TBC1D30: variants seen among roughly 807,000 people sequenced by gnomAD.
The protein encoded by TBC1D30 is TBC1 domain family member 30.
Under a neutral mutation model 63.2 loss-of-function variants are expected in TBC1D30, and 31 were observed. The ratio of observed to expected loss-of-function variants is 0.49; its 90% confidence interval spans 0.37 to 0.66. The LOEUF (loss-of-function observed/expected upper bound fraction) is 0.66. TBC1D30 is among the 30% of genes least tolerant of loss of function. TBC1D30 has a pLI of 0.00. For missense variants in TBC1D30, 810 were observed against 953.6 expected (o/e 0.85, Z 1.98); for synonymous variants, 307 against 361.5 (o/e 0.85, Z 1.71).
At position 64,877,206 on chromosome 12, in the gene TBC1D30, AC is replaced by A. The variant is rs1879149671; in HGVS notation, c.*1419del. On this transcript the variant is annotated 3_prime_UTR_variant, in exon 12 of 12. Coordinates refer to ENST00000539867, the MANE Select transcript of TBC1D30 (RefSeq NM_015279.2). ...CTTCATGCACCTGTTATTTGGCTGA[AC>A]AGAAGGCTCACTCCTCAATCCCCTT... 4.7e-6 allele frequency: 1 copy of A among 213,042 alleles called. No individual in the cohort carries two copies. 13.2% of individuals were successfully genotyped at this position (213,042 alleles called of 1,614,324 possible). A position where few individuals can be genotyped will look rare whatever the true frequency, so the allele number is the denominator to read the frequency against.
intron 1 of TBC1D30, among the ~76,000 whole-genome samples, chr12:64,827,232 T>G (rs1020427253): frequency 3.0e-4 from 45 of 152,158 alleles, no homozygotes; most frequent in African/African-American, 1.1e-3. Context: ...GGTGGATCAC[T>G]TCAGATCAGG....
At chr12:64,769,237 A>T (rs1446659658) in intron 1 of TBC1D30, among the ~76,000 whole-genome samples, 7 of 151,126 alleles carry the variant, frequency 4.6e-5, no homozygotes, top group Non-Finnish European at 1.0e-4. Context: ...TCAGAGTCTC[A>T]CTCTGTTGCC....
chr12:64,857,769 A>T (rs1334438673), intron 8 of TBC1D30, among the ~76,000 whole-genome samples: 1 of 152,242 alleles, frequency 6.6e-6, no homozygotes, highest in Non-Finnish European at 1.5e-5. Flanking sequence ...CTCGAGTTCC[A>T]ACAGCTAGAT....
intron 2 of TBC1D30, among the ~76,000 whole-genome samples, chr12:64,789,221 C>T (rs1169194665): frequency 1.0e-4 from 14 of 139,044 alleles, no homozygotes; most frequent in African/African-American, 2.6e-4. Context: ...CTCACTCTGT[C>T]GCCCAGGCCC....
chr12:64,806,263 T>C (rs962599534), intron 2 of TBC1D30, among the ~76,000 whole-genome samples: 4 of 152,186 alleles, frequency 2.6e-5, no homozygotes, highest in Non-Finnish European at 5.9e-5. Context: ...ATATCCAAAG[T>C]GTGTGTCAGT....
At chr12:64,864,863 C>A (rs1165441189) in intron 9 of TBC1D30, 83 bp downstream of exon 9, 1 of 974,562 alleles carries the variant, frequency 1.0e-6, no homozygotes, top group Non-Finnish European at 1.5e-6. Context: ...ATTTATGAAG[C>A]CCCAGAGATA....
At chr12:64,828,977 C>T (rs951679938) in intron 3 of TBC1D30, among the ~76,000 whole-genome samples, 1 of 134,824 alleles carries the variant, frequency 7.4e-6, no homozygotes, top group African/African-American at 2.7e-5. Context: ...AGCCCTCAGG[C>T]GGGAGCATCT....
chr12:64,857,345 G>A (rs1877395150), intron 8 of TBC1D30, among the ~76,000 whole-genome samples: 2 of 152,126 alleles, frequency 1.3e-5, no homozygotes, highest in Admixed American at 6.5e-5. Context: ...TTAAGGCAGG[G>A]GTTCTCTTTT....
chr12:64,857,364 G>T (rs536794223), intron 8 of TBC1D30, among the ~76,000 whole-genome samples: 1 of 152,132 alleles, frequency 6.6e-6, no homozygotes, highest in Non-Finnish European at 1.5e-5. Flanking sequence ...TTGGCCCAGG[G>T]TGTGGCTGGA....
chr12:64,765,214 C>T (rs1281858262), intron 1 of TBC1D30, among the ~76,000 whole-genome samples: 2 of 152,012 alleles, frequency 1.3e-5, no homozygotes, highest in Non-Finnish European at 2.9e-5. Context: ...TACACAGGGC[C>T]GGGCATCGTG....
At chr12:64,800,521 G>A (rs1010276330) in intron 2 of TBC1D30, among the ~76,000 whole-genome samples, 1 of 152,162 alleles carries the variant, frequency 6.6e-6, no homozygotes, top group African/African-American at 2.4e-5. Flanking sequence ...AGATATTTAG[G>A]AGGGAGATTC....
intron 2 of TBC1D30, among the ~76,000 whole-genome samples, chr12:64,819,406 CTTTTTTTTTTTTTTTT>C (rs55757950): frequency 1.3e-5 from 1 of 78,024 alleles, no homozygotes; most frequent in East Asian, 5.0e-4. Flanking sequence ...GAAGGAACTA[CTTTTTTTTTTTTTTTT>C]TTTTTTTTTT....
At chr12:64,814,543 T>C (rs1220863422) in intron 2 of TBC1D30, among the ~76,000 whole-genome samples, 2 of 152,204 alleles carry the variant, frequency 1.3e-5, no homozygotes, top group Non-Finnish European at 2.9e-5. Context: ...TAAAATCTAG[T>C]GAAACTAGAA....
chr12:64,827,650 T>A (rs968004577), intron 1 of TBC1D30, among the ~76,000 whole-genome samples, 185 bp from the exon 2 acceptor site: 2 of 152,210 alleles, frequency 1.3e-5, no homozygotes, highest in African/African-American at 4.8e-5. Context: ...TCTATTGCTG[T>A]AGGGTATTTT....
intron 2 of TBC1D30, among the ~76,000 whole-genome samples, chr12:64,791,119 T>G (rs960738652): frequency 2.6e-5 from 4 of 152,214 alleles, no homozygotes; most frequent in Non-Finnish European, 4.4e-5. Flanking sequence ...AAGAATGAAG[T>G]ATTGACTCAT....
intron 2 of TBC1D30, among the ~76,000 whole-genome samples, chr12:64,815,963 A>T (rs1465988526): frequency 6.6e-6 from 1 of 151,934 alleles, no homozygotes; most frequent in Non-Finnish European, 1.5e-5. Flanking sequence ...GTGTTTGTAG[A>T]GACAGCGTTT....
At chr12:64,776,345 AAGAT>A (rs755946001), upstream of TBC1D30, among the ~76,000 whole-genome samples, 4 of 152,218 alleles carry the variant, frequency 2.6e-5, no homozygotes, top group Non-Finnish European at 4.4e-5. Flanking sequence ...AAAAATTAAT[AAGAT>A]AGATAGACCA....
chr12:64,803,120 A>G (rs1872679257), intron 2 of TBC1D30, among the ~76,000 whole-genome samples: 1 of 152,182 alleles, frequency 6.6e-6, no homozygotes, highest in Non-Finnish European at 1.5e-5. Flanking sequence ...CCAACAGTGT[A>G]AAAGTGTTCC....
At position 64,825,049 on chromosome 12, in the gene TBC1D30, C is replaced by G. The variant is rs1386408588; in HGVS notation, c.154+16C>G. ...CTGGAGCCGGGTGAGGACCCCAGGG[C>G]TGCAGATGGGGCGCTGTAAAGTAGC... On this transcript the variant is annotated intron_variant, in intron 1 of 11. Coordinates refer to ENST00000539867, the MANE Select transcript of TBC1D30 (RefSeq NM_015279.2). The G allele has an allele frequency of 6.6e-7, 1 of 1,526,234 alleles. No individual in the cohort carries two copies. Among genetic ancestry groups the G allele is most frequent in the Admixed American group, 2.0e-5 (1 of 50,452 alleles). The allele number at this position is 1,526,234 out of a possible 1,614,324, so 94.5% of individuals were successfully genotyped here.
Sources: gnomAD v4.1 joint callset for allele counts (sites outside exome capture counted in the v4.1 genomes callset) on GRCh38, gnomAD v4.1.1 for gene constraint, MANE v1.5 for transcripts, NCBI Gene and HGNC (gene_info 2026-07-23, HGNC 2026-07-21) for gene names.